The following RYR2 variants were observed in gnomAD, a reference collection of about 807,000 sequenced individuals.
RYR2 encodes the protein ryanodine receptor 2.
Under a neutral mutation model 601.1 loss-of-function variants are expected in RYR2, and 227 were observed. The ratio of observed to expected loss-of-function variants is 0.38; its 90% confidence interval spans 0.34 to 0.42. RYR2 has a LOEUF of 0.42. Ranked by LOEUF, RYR2 falls within the 10% of genes least tolerant of loss-of-function variation. The pLI, the probability that RYR2 is intolerant of heterozygous loss-of-function variation, is 1.00. For synonymous variants in RYR2, 2,223 were observed against 2,175.1 expected, an observed-to-expected ratio of 1.02 and a Z score of -0.61; for missense variants, 4,646 against 6,156.5, an observed-to-expected ratio of 0.75 and a Z score of 8.21.
chr1:237,734,361 C>G (rs980267424), intron 79 of RYR2, among the ~76,000 whole-genome samples: 10 of 152,174 alleles, frequency 6.6e-5, no homozygotes, highest in Non-Finnish European at 1.3e-4. Flanking sequence ...TGAGAACTCA[C>G]TCACTATCGT....
intron 1 of RYR2, among the ~76,000 whole-genome samples, chr1:237,045,315 C>G (rs139395687): frequency 1.3e-5 from 2 of 152,286 alleles, no homozygotes; most frequent in African/African-American, 4.8e-5. Flanking sequence ...CTTTAATGGG[C>G]TGTATCTGTG....
chr1:237,331,017 T>C lies in RYR2; in HGVS notation c.273+35T>C, dbSNP rs753703477. On this transcript the variant is annotated intron_variant, in intron 3 of 104. Transcript: ENST00000366574. ...CAATTTATGTAGACTTGTAGTATTT[T>C]AATGAGCTCAGCTACTATAGGAACA... The C allele has an allele frequency of 9.9e-6, 15 of 1,515,182 alleles. No individual in the cohort carries two copies. In the South Asian group the frequency reaches 1.6e-4, roughly 16 times the overall value. The allele number at this position is 1,515,182 out of a possible 1,614,324, so 93.9% of individuals were successfully genotyped here. A position where few individuals can be genotyped will look rare whatever the true frequency, so the allele number is the denominator to read the frequency against.
In RYR2 at chr1:237,343,107, C is replaced by G. The variant is rs10925375; in HGVS notation, c.273+12125C>G. Among the ~76,000 whole-genome samples the G allele has an allele frequency of 3.6e-3, 549 of 152,120 alleles. 6 individuals carry two copies. Among genetic ancestry groups the G allele is most frequent in the African/African-American group, 0.013 (523 of 41,502 alleles). The stretch of plus-strand genomic sequence containing the variant: ...GCCATAGCCAGCATACCTATAGACC[C>G]AGCTACTTCAGAGGCTGAGGTGGTG... On this transcript the variant is annotated intron_variant, in intron 3 of 104. Coordinates refer to ENST00000366574, the MANE Select transcript of RYR2 (RefSeq NM_001035.3).
At chr1:237,315,194 C>G (rs7545410) in intron 2 of RYR2, among the ~76,000 whole-genome samples, 13,546 of 152,118 alleles carry the variant, frequency 0.089, 1,200 homozygotes, top group African/African-American at 0.23. Context: ...CATCCCTTAA[C>G]TCCAAGCTTC....
intron 2 of RYR2, among the ~76,000 whole-genome samples, chr1:237,310,126 G>A (rs1694385638): frequency 6.6e-6 from 1 of 152,212 alleles, no homozygotes; most frequent in Admixed American, 6.5e-5. Context: ...CCGAGGAGGT[G>A]CTGAGAGTGA....
chr1:237,810,139 G>A (rs1354619905), intron 100 of RYR2, among the ~76,000 whole-genome samples: 1 of 152,016 alleles, frequency 6.6e-6, no homozygotes, highest in East Asian at 1.9e-4. Context: ...TAAAACTCAG[G>A]ATCTATGAAA....
chr1:237,204,503 CAAAAA>C (rs67002856), intron 1 of RYR2, among the ~76,000 whole-genome samples: 3 of 106,652 alleles, frequency 2.8e-5, no homozygotes, highest in South Asian at 6.5e-4. Context: ...AAAACAAAAA[CAAAAA>C]AAAAAAAAAA....
intron 10 of RYR2, among the ~76,000 whole-genome samples, chr1:237,416,587 T>C (rs1705013233): frequency 6.6e-6 from 1 of 152,232 alleles, no homozygotes; most frequent in Non-Finnish European, 1.5e-5. Context: ...TTTAAAATGC[T>C]TTAAATAATC....
chr1:237,639,327 T>C (rs1681210341), intron 46 of RYR2, 126 bp downstream of exon 46: 6 of 918,624 alleles, frequency 6.5e-6, no homozygotes. Flanking sequence ...CCTTTGAAAA[T>C]ATAATGTCTT....
At chr1:237,638,016 C>T (rs147578863) in intron 44 of RYR2, among the ~76,000 whole-genome samples, 272 of 151,418 alleles carry the variant, frequency 1.8e-3, no homozygotes, top group African/African-American at 6.2e-3. Context: ...GCAAATAAAA[C>T]AGCAACTGGT....
chr1:237,302,089 A>C (rs1315847271), intron 2 of RYR2, among the ~76,000 whole-genome samples: 1 of 152,200 alleles, frequency 6.6e-6, no homozygotes, highest in Non-Finnish European at 1.5e-5. Context: ...GAATGTGTAA[A>C]TATATTATTG....
chr1:237,591,483 G>A (rs561773601), intron 31 of RYR2, among the ~76,000 whole-genome samples: 49 of 152,076 alleles, frequency 3.2e-4, no homozygotes, highest in Non-Finnish European at 5.4e-4. Context: ...CTTTAGGCCA[G>A]ACAATTCTTT....
intron 1 of RYR2, among the ~76,000 whole-genome samples, chr1:237,160,713 A>C (rs1675914285): frequency 6.6e-6 from 1 of 152,092 alleles, no homozygotes; most frequent in East Asian, 1.9e-4. Flanking sequence ...TACAGACTCA[A>C]GGTGATTGGT....
At chr1:237,717,416 C>G (rs1689355771) in intron 72 of RYR2, 48 bp downstream of exon 72, 1 of 1,444,796 alleles carries the variant, frequency 6.9e-7, no homozygotes, top group African/African-American at 1.4e-5. Context: ...GACCTCCAGA[C>G]TCTCAGTGTT....
intron 38 of RYR2, among the ~76,000 whole-genome samples, chr1:237,621,554 A>G (rs1462097647): frequency 6.6e-6 from 1 of 152,206 alleles, no homozygotes. Context: ...CATACCAGGA[A>G]TGAAACTACT....
Position 237,500,689 on chromosome 1 carries a change from C to T in RYR2, c.2204-22C>T, listed in dbSNP as rs1664539757. The stretch of plus-strand genomic sequence containing the variant: ...TGAGATAAAAAAATACATGACCTTC[C>T]TTAATGTTTTCCCCCCAATAGGTTG... On this transcript the variant is annotated intron_variant, in intron 20 of 104. Transcript: ENST00000366574. 2.6e-6 allele frequency: 4 copies of T among 1,562,136 alleles called. No homozygotes were observed. The South Asian group carries it at 4.8e-5, about 19-fold the overall frequency.
rs187462461 is a variant in RYR2, at chr1:237,113,045, A to G, written c.48+70476A>G. Among the ~76,000 whole-genome samples, 31 of 152,128 alleles carry G rather than the reference A, an allele frequency of 2.0e-4. No individual in the cohort carries two copies. In the East Asian group the frequency reaches 5.6e-3, roughly 28 times the overall value. ...TTCTCCTTTCTGCATCCAAGACATGATCCTCAGTAGGAATTGAGAACAAAA... is the reference window on the plus strand; with the variant it reads ...TTCTCCTTTCTGCATCCAAGACATGGTCCTCAGTAGGAATTGAGAACAAAA... On this transcript the variant is annotated intron_variant, in intron 1 of 104. Coordinates refer to ENST00000366574, the MANE Select transcript of RYR2 (RefSeq NM_001035.3).
intron 25 of RYR2, among the ~76,000 whole-genome samples, chr1:237,531,028 G>T (rs765118769): frequency 8.5e-5 from 13 of 152,128 alleles, no homozygotes; most frequent in Non-Finnish European, 7.3e-5. Flanking sequence ...ACAAAGCTCA[G>T]AATATATTTG....
intron 18 of RYR2, 109 bp downstream of exon 18, chr1:237,492,033 A>G (rs1663407360): frequency 1.6e-6 from 1 of 634,866 alleles, no homozygotes; most frequent in East Asian, 3.0e-5. Flanking sequence ...AGTGTTTTTA[A>G]TCTCTTAATT....
Sources: gnomAD v4.1 joint callset for allele counts (sites outside exome capture counted in the v4.1 genomes callset) on GRCh38, gnomAD v4.1.1 for gene constraint, MANE v1.5 for transcripts, NCBI Gene and HGNC (gene_info 2026-07-23, HGNC 2026-07-21) for gene names.